Variants in ME3 observed in about 807,000 individuals in gnomAD.
ME3 encodes NADP-dependent malic enzyme, mitochondrial.
Under a neutral mutation model 68.9 loss-of-function variants are expected in ME3, and 48 were observed. The observed-to-expected ratio is 0.70, with a 90% CI of 0.55 to 0.89. ME3 has a LOEUF of 0.89. Among genes scored for constraint, ME3 ranks in the 40% least tolerant of loss-of-function variants. The probability of loss-of-function intolerance (pLI) is 0.00; values close to 1 mark genes in which losing one functional copy is unlikely to be tolerated. For missense variants in ME3, 675 were observed against 797.4 expected (o/e 0.85, Z 1.85); for synonymous variants, 320 against 318.8 (o/e 1.00, Z -0.04).
At chr11:86,599,075 C>T (rs890989841) in intron 2 of ME3, among the ~76,000 whole-genome samples, 2 of 152,224 alleles carry the variant, frequency 1.3e-5, no homozygotes, top group Admixed American at 1.3e-4. Flanking sequence ...CAGTTCCTCA[C>T]CAGCAGCGGA....
intron 2 of ME3, among the ~76,000 whole-genome samples, chr11:86,664,065 G>T (rs933548651): frequency 6.6e-6 from 1 of 152,190 alleles, no homozygotes; most frequent in Non-Finnish European, 1.5e-5. Flanking sequence ...CTTGAAAGGA[G>T]ACGACTTCAG....
chr11:86,528,280 G>C (rs1317334950), intron 4 of ME3, among the ~76,000 whole-genome samples: 4 of 152,146 alleles, frequency 2.6e-5, no homozygotes, highest in Non-Finnish European at 5.9e-5. Context: ...TAATGGTAAA[G>C]GGATCAATTC....
intron 5 of ME3, among the ~76,000 whole-genome samples, chr11:86,504,835 C>A (rs150586113): frequency 6.6e-6 from 1 of 151,510 alleles, no homozygotes; most frequent in Non-Finnish European, 1.5e-5. Flanking sequence ...GGACTACAGG[C>A]GCCTGCCACC....
At chr11:86,536,060 T>C (rs766869244) in intron 4 of ME3, among the ~76,000 whole-genome samples, 2 of 152,194 alleles carry the variant, frequency 1.3e-5, no homozygotes, top group African/African-American at 4.8e-5. Context: ...GATTCAGCTA[T>C]ATCTCTATTT....
chr11:86,456,593 A>G (rs146449414), intron 8 of ME3, among the ~76,000 whole-genome samples: 33 of 152,152 alleles, frequency 2.2e-4, no homozygotes, highest in African/African-American at 7.2e-4. Context: ...CTTCCTGACT[A>G]TAGTTGAAGG....
At chr11:86,535,555 A>G (rs1052593691) in intron 4 of ME3, among the ~76,000 whole-genome samples, 8 of 152,200 alleles carry the variant, frequency 5.3e-5, no homozygotes, top group Admixed American at 2.6e-4. Flanking sequence ...GATAAAGTCT[A>G]TCCTTTATCC....
intron 4 of ME3, among the ~76,000 whole-genome samples, chr11:86,538,910 A>C (rs972370223): frequency 6.6e-6 from 1 of 152,184 alleles, no homozygotes; most frequent in Non-Finnish European, 1.5e-5. Context: ...GTGATGAGGA[A>C]AGCTTTTCCC....
chr11:86,570,489 T>A (rs1266633200), intron 2 of ME3, among the ~76,000 whole-genome samples: 1 of 152,180 alleles, frequency 6.6e-6, no homozygotes, highest in East Asian at 1.9e-4. Flanking sequence ...CCCAGCTTTA[T>A]GAGAGCCCCT....
At chr11:86,641,453 A>G (rs1311163148) in intron 2 of ME3, among the ~76,000 whole-genome samples, 1 of 152,240 alleles carries the variant, frequency 6.6e-6, no homozygotes, top group Non-Finnish European at 1.5e-5. Flanking sequence ...ATAAACCGTC[A>G]GCTAACTGGA....
exon 15 of ME3, chr11:86,441,186 G>A (rs529765282): frequency 1.8e-5 from 22 of 1,231,678 alleles, no homozygotes; most frequent in African/African-American, 3.1e-5. Context: ...AAAACACAGC[G>A]ACAAGGATTC....
intron 4 of ME3, among the ~76,000 whole-genome samples, chr11:86,524,912 G>C (rs1014323265): frequency 2.0e-5 from 3 of 152,152 alleles, no homozygotes; most frequent in African/African-American, 7.2e-5. Context: ...ACTAAGTTCC[G>C]CCTCCAAACT....
Position 86,603,492 on chromosome 11 carries a change from C to T in ME3, c.184-43669G>A, listed in dbSNP as rs182974460. On this transcript the variant is annotated intron_variant, in intron 2 of 14. Coordinates refer to ENST00000543262, the Ensembl canonical transcript of ME3. ...GTGGAGAAATAGGAACACTTTTACA[C>T]GGTGGGACTGTAAACTAGTTCAACC... is the stretch of plus-strand genomic sequence containing the variant. Among the ~76,000 whole-genome samples, 1,437 of 150,946 alleles carry T rather than the reference C, an allele frequency of 9.5e-3. 20 individuals carry two copies. The highest frequency in any genetic ancestry group is 0.054 in the South Asian group (256 of 4,782).
At chr11:86,600,116 TGTAAATGGAC>T (rs1202004108) in intron 2 of ME3, among the ~76,000 whole-genome samples, 2 of 152,164 alleles carry the variant, frequency 1.3e-5, no homozygotes, top group Non-Finnish European at 2.9e-5. Flanking sequence ...TAGCTTTAAA[TGTAAATGGAC>T]TAAATGCTCC....
At chr11:86,552,157 T>C (rs1440238221) in intron 4 of ME3, among the ~76,000 whole-genome samples, 6 of 152,200 alleles carry the variant, frequency 3.9e-5, no homozygotes, top group Admixed American at 2.6e-4. Flanking sequence ...TGGAATCTCA[T>C]TGAATCCTCC....
chr11:86,523,459 G>A (rs1954483013), intron 4 of ME3, among the ~76,000 whole-genome samples: 1 of 152,116 alleles, frequency 6.6e-6, no homozygotes, highest in African/African-American at 2.4e-5. Flanking sequence ...TAGAAGACAG[G>A]CTTCTATTAA....
At chr11:86,571,887 G>T (rs7941124) in intron 2 of ME3, among the ~76,000 whole-genome samples, 1 of 152,136 alleles carries the variant, frequency 6.6e-6, no homozygotes, top group African/African-American at 2.4e-5. Flanking sequence ...GAGGCATTCA[G>T]AGGAGCTTGG....
At chr11:86,648,675 C>T (rs1164981806) in intron 2 of ME3, among the ~76,000 whole-genome samples, 7 of 152,206 alleles carry the variant, frequency 4.6e-5, no homozygotes, top group Admixed American at 3.9e-4. Flanking sequence ...CAAAGAAATA[C>T]AAACTACCAT....
At chr11:86,612,285 A>C (rs1942639185) in intron 2 of ME3, among the ~76,000 whole-genome samples, 1 of 152,182 alleles carries the variant, frequency 6.6e-6, no homozygotes, top group Non-Finnish European at 1.5e-5. Context: ...GTGTGTATGT[A>C]CCACATTTTC....
chr11:86,547,904 G>A (rs532389389), intron 4 of ME3, among the ~76,000 whole-genome samples: 30 of 152,308 alleles, frequency 2.0e-4, no homozygotes, highest in Non-Finnish European at 2.9e-5. Flanking sequence ...AGATAAAAAA[G>A]AAACAAAAGT....
Sources: allele counts gnomAD v4.1 joint callset (sites outside exome capture counted in the v4.1 genomes callset), GRCh38; gene constraint gnomAD v4.1.1; transcripts MANE v1.5; gene names NCBI Gene and HGNC (gene_info 2026-07-23, HGNC 2026-07-21).